The following GGPS1 variants were observed in gnomAD, a reference collection of about 807,000 sequenced individuals.
GGPS1 encodes the protein geranylgeranyl pyrophosphate synthase.
A neutral mutation model predicts 28.1 loss-of-function variants in GGPS1; 15 were observed. The observed-to-expected ratio is 0.53, with a 90% confidence interval of 0.36 to 0.82. GGPS1 has a LOEUF of 0.82. Ranked by LOEUF, GGPS1 falls within the 40% of genes least tolerant of loss-of-function variation. The pLI is 0.01. For synonymous variants in GGPS1, 138 were observed against 122.4 expected, an observed-to-expected ratio of 1.13 and a Z score of -0.84; for missense variants, 284 against 348.3, an observed-to-expected ratio of 0.82 and a Z score of 1.47.
rs555882332 is a variant in GGPS1 at position 235,342,564 on chromosome 1, A to G, written c.695A>G (p.Asn232Ser). The G allele has an allele frequency of 6.9e-5, 112 of 1,611,594 alleles. 1 individual carries two copies. In the Admixed American group the frequency reaches 1.7e-3, roughly 25 times the overall value. The part of the protein sequence containing the change: ...WSRPESTQVQ[N>S]ILRQRTENID... ...AGGCCTGAAAGCACCCAGGTGCAGA[A>G]TATCTTGCGCCAGAGAACAGAAAAC... is the stretch of plus-strand genomic sequence containing the variant. Residue 232 changes from asparagine (N) to serine (S), a missense_variant, in exon 4 of 4, where the codon AAT (asparagine) becomes AGT (serine). Physicochemically the swap from Asn to Ser is conservative, Grantham distance 46. Transcript: ENST00000282841.
intron 1 of GGPS1, among the ~76,000 whole-genome samples, chr1:235,332,077 TCTTA>T (rs560669424): frequency 3.7e-4 from 56 of 152,332 alleles, no homozygotes; most frequent in South Asian, 8.3e-4. Context: ...ATTTGTTTAT[TCTTA>T]CTTGTATAAA....
chr1:235,338,834 C>T (rs917586989), intron 2 of GGPS1, among the ~76,000 whole-genome samples: 1 of 152,068 alleles, frequency 6.6e-6, no homozygotes, highest in Non-Finnish European at 1.5e-5. Flanking sequence ...CCACTGCACT[C>T]CAGCCTGGGT....
At chr1:235,340,090 G>A (rs1047232533) in intron 2 of GGPS1, among the ~76,000 whole-genome samples, 7 of 152,018 alleles carry the variant, frequency 4.6e-5, no homozygotes, top group South Asian at 2.1e-4. Flanking sequence ...CCGAGATCAC[G>A]CCGCTGCAAT....
chr1:235,327,380 A>G (rs1022358514), upstream of GGPS1: 1 of 152,432 alleles, frequency 6.6e-6, no homozygotes, highest in Non-Finnish European at 1.5e-5. Context: ...AGGGGCCAGG[A>G]GGGCCTGTGG....
intron 2 of GGPS1, among the ~76,000 whole-genome samples, chr1:235,340,699 G>C (rs531182139): frequency 2.5e-5 from 3 of 118,846 alleles, no homozygotes; most frequent in African/African-American, 9.9e-5. Context: ...TCGCGCCACT[G>C]CACTCCAGCC....
chr1:235,339,094 A>G (rs1162609989), intron 2 of GGPS1, among the ~76,000 whole-genome samples: 1 of 151,628 alleles, frequency 6.6e-6, no homozygotes, highest in Admixed American at 6.6e-5. Flanking sequence ...GAGGTCAGGA[A>G]TTCAAGACCA....
intron 3 of GGPS1, 63 bp from the exon 4 acceptor site, chr1:235,341,948 G>A: frequency 9.4e-7 from 1 of 1,065,896 alleles, no homozygotes; most frequent in Admixed American, 2.6e-5. Flanking sequence ...TTCATAATCT[G>A]TTAATTAAAC....
chr1:235,333,493 C>T (rs566539217), intron 1 of GGPS1, among the ~76,000 whole-genome samples: 42 of 150,594 alleles, frequency 2.8e-4, no homozygotes, highest in Admixed American at 8.7e-4. Flanking sequence ...CACTTGAACC[C>T]GGGAGGTGGA....
chr1:235,338,553 G>C lies in GGPS1; in HGVS notation c.71-3155G>C, dbSNP rs756719400. ...AAATGAAATTTCACATTGAGACTCT[G>C]TTTTTCATCTTCAAAAAAATGTGTT... is the stretch of plus-strand genomic sequence containing the variant. On this transcript the variant is annotated intron_variant, in intron 2 of 3. Coordinates refer to ENST00000282841, the MANE Select transcript of GGPS1 (RefSeq NM_004837.4). Among the ~76,000 whole-genome samples the C allele has an allele frequency of 8.5e-5, 13 of 152,204 alleles. No individual in the cohort carries two copies. The South Asian group carries it at 2.7e-3, about 32-fold the overall frequency.
chr1:235,341,911 G>C, intron 3 of GGPS1, 100 bp from the exon 4 acceptor site: 2 of 890,082 alleles, frequency 2.2e-6, no homozygotes, highest in Admixed American at 5.3e-5. Flanking sequence ...ATATTTATTA[G>C]TTGTGAAAAT....
intron 2 of GGPS1, among the ~76,000 whole-genome samples, chr1:235,336,321 G>T (rs1675861094): frequency 6.6e-6 from 1 of 152,174 alleles, no homozygotes; most frequent in African/African-American, 2.4e-5. Flanking sequence ...AACCTGGAAG[G>T]CAGAGGTTGC....
At position 235,328,778 on chromosome 1, in the gene GGPS1, T is replaced by G. The variant is rs2103333878; in HGVS notation, c.-24T>G. 1 of 144,068 alleles carries G rather than the reference T, an allele frequency of 6.9e-6. No individual in the cohort carries two copies. The highest frequency in any genetic ancestry group is 2.6e-5 in the African/African-American group (1 of 37,948). 8.9% of individuals were successfully genotyped at this position (144,068 alleles called of 1,614,324 possible). On this transcript the variant is annotated splice_region_variant and 5_prime_UTR_variant, in exon 1 of 4. Transcript: ENST00000282841. ...GAAAGTCGTGATATCATCGTTGAACTGTGAGCGGCAGTGGCGGCGGCTGGG... is the reference window on the plus strand; with the variant it reads ...GAAAGTCGTGATATCATCGTTGAACGGTGAGCGGCAGTGGCGGCGGCTGGG...
At chr1:235,340,473 A>G (rs1676002005) in intron 2 of GGPS1, among the ~76,000 whole-genome samples, 1 of 151,308 alleles carries the variant, frequency 6.6e-6, no homozygotes, top group South Asian at 2.1e-4. Context: ...GCAGTGGCTC[A>G]CGCCTGTAAT....
At chr1:235,338,650 G>A (rs2103346676) in intron 2 of GGPS1, among the ~76,000 whole-genome samples, 1 of 151,834 alleles carries the variant, frequency 6.6e-6, no homozygotes, top group South Asian at 2.1e-4. Context: ...GGGACAGATT[G>A]CTTTTGAGCC....
chr1:235,328,248 T>A (rs1486493345), upstream of GGPS1: 2 of 83,252 alleles, frequency 2.4e-5, no homozygotes, highest in African/African-American at 4.7e-5. Flanking sequence ...TTTCCCCCCC[T>A]CCCCTACCTC....
intron 1 of GGPS1, among the ~76,000 whole-genome samples, chr1:235,333,462 G>A (rs1193142923): frequency 2.6e-5 from 4 of 151,604 alleles, no homozygotes; most frequent in African/African-American, 7.3e-5. Flanking sequence ...CCTGCTATTC[G>A]GGAGGCTGAG....
In GGPS1 at chr1:235,342,682, C is replaced by G. The variant is rs772724249; in HGVS notation, c.813C>G (p.Ala271=). 6.2e-7 allele frequency: 1 copy of G among 1,609,382 alleles called. No homozygotes were observed. The highest frequency in any genetic ancestry group is 2.2e-5 in the East Asian group (1 of 44,836). ...CCCTTAAAGAGCTTGAAGCTAAAGC[C>G]TATAAACAGATTGATGCACGTGGTG... ...RNTLKELEAK[A]YKQIDARGGN... is the part of the protein sequence containing the mutation. The change falls in exon 4 of 4, where the codon GCC becomes GCG. Residue 271 remains alanine, a synonymous_variant. Transcript: ENST00000282841.
chr1:235,335,054 A>G (rs1042635856), intron 1 of GGPS1, among the ~76,000 whole-genome samples, 188 bp from the exon 2 acceptor site: 2 of 152,120 alleles, frequency 1.3e-5, no homozygotes, highest in Non-Finnish European at 2.9e-5. Context: ...GGCTTAAGCT[A>G]TCCGCCCGCC....
At chr1:235,341,559 G>A (rs1676046334) in intron 2 of GGPS1, 149 bp from the exon 3 acceptor site, 2 of 659,406 alleles carry the variant, frequency 3.0e-6, no homozygotes, top group Non-Finnish European at 5.5e-6. Context: ...AGCAGTGCAA[G>A]GCAAGCTCTG....
Sources: gnomAD v4.1 joint callset for allele counts (sites outside exome capture counted in the v4.1 genomes callset) on GRCh38, gnomAD v4.1.1 for gene constraint, MANE v1.5 for transcripts, NCBI Gene and HGNC (gene_info 2026-07-23, HGNC 2026-07-21) for gene names.